The following ANKS1B variants were observed in gnomAD, a reference collection of about 807,000 sequenced individuals.
ANKS1B encodes ankyrin repeat and sterile alpha motif domain-containing protein 1B.
Under a neutral mutation model 148.3 loss-of-function variants are expected in ANKS1B, and 36 were observed. The observed-to-expected ratio is 0.24, with a 90% CI of 0.19 to 0.32. The LOEUF (loss-of-function observed/expected upper bound fraction) is 0.32, where lower values mean the gene tolerates loss of function less well. Among genes scored for constraint, ANKS1B ranks in the 10% least tolerant of loss-of-function variants. ANKS1B has a pLI of 1.00. For missense variants in ANKS1B, 1,157 were observed against 1,542.6 expected (o/e 0.75, Z 4.19); for synonymous variants, 542 against 560.8 (o/e 0.97, Z 0.47).
chr12:99,604,267 C>T (rs2097831581), intron 9 of ANKS1B, among the ~76,000 whole-genome samples: 1 of 152,008 alleles, frequency 6.6e-6, no homozygotes, highest in South Asian at 2.1e-4. Context: ...TTTAAACACT[C>T]ATATGAATAA....
intron 8 of ANKS1B, among the ~76,000 whole-genome samples, chr12:99,680,752 C>T (rs547953589): frequency 5.3e-5 from 8 of 152,234 alleles, no homozygotes; most frequent in South Asian, 2.1e-4. Context: ...TAGCCTGGTA[C>T]AAGATCTCAG....
At chr12:99,819,973 G>T (rs1033133316) in intron 2 of ANKS1B, among the ~76,000 whole-genome samples, 3 of 151,524 alleles carry the variant, frequency 2.0e-5, no homozygotes, top group African/African-American at 4.8e-5. Context: ...TTTCAGAGGA[G>T]AATTAAGGGA....
At chr12:99,121,686 G>A (rs537006613) in intron 15 of ANKS1B, among the ~76,000 whole-genome samples, 2 of 152,270 alleles carry the variant, frequency 1.3e-5, no homozygotes, top group African/African-American at 4.8e-5. Flanking sequence ...CCATAGCCAC[G>A]GGATGAACAG....
chr12:99,471,403 C>CA, intron 10 of ANKS1B, among the ~76,000 whole-genome samples: 1 of 152,094 alleles, frequency 6.6e-6, no homozygotes, highest in South Asian at 2.1e-4. Flanking sequence ...TTAGATGTCA[C>CA]AAAAGGCCTC....
intron 12 of ANKS1B, among the ~76,000 whole-genome samples, chr12:99,269,647 G>T (rs1000948008): frequency 6.6e-6 from 1 of 152,012 alleles, no homozygotes; most frequent in African/African-American, 2.4e-5. Context: ...CAAGCTCCGC[G>T]TCCCGGGTTC....
chr12:99,201,809 A>G (rs530913413), intron 14 of ANKS1B, among the ~76,000 whole-genome samples: 1 of 152,314 alleles, frequency 6.6e-6, no homozygotes, highest in Admixed American at 6.5e-5. Flanking sequence ...TTATGCTGAA[A>G]ATTTTACTGG....
At chr12:98,912,145 A>T (rs2099787690) in intron 17 of ANKS1B, among the ~76,000 whole-genome samples, 1 of 152,224 alleles carries the variant, frequency 6.6e-6, no homozygotes, top group Admixed American at 6.5e-5. Flanking sequence ...GTACTGTTAT[A>T]GTCTCTACTT....
At chr12:99,427,515 C>T (rs2095281768) in intron 11 of ANKS1B, among the ~76,000 whole-genome samples, 1 of 152,194 alleles carries the variant, frequency 6.6e-6, no homozygotes, top group Non-Finnish European at 1.5e-5. Context: ...TTCTCTGATT[C>T]CAAGTAGTGA....
At chr12:99,270,410 CCTAT>C (rs1431586545) in intron 12 of ANKS1B, among the ~76,000 whole-genome samples, 3 of 152,116 alleles carry the variant, frequency 2.0e-5, no homozygotes, top group Non-Finnish European at 4.4e-5. Context: ...TCCAGTCATT[CCTAT>C]CTAATGTATC....
At chr12:99,655,373 G>A (rs1480582435) in intron 8 of ANKS1B, among the ~76,000 whole-genome samples, 163 bp from the exon 9 acceptor site, 1 of 152,000 alleles carries the variant, frequency 6.6e-6, no homozygotes, top group Non-Finnish European at 1.5e-5. Flanking sequence ...ATAAAAATAT[G>A]TATAGTCCAA....
chr12:99,225,631 T>G (rs917734367), intron 14 of ANKS1B, among the ~76,000 whole-genome samples: 9 of 152,186 alleles, frequency 5.9e-5, no homozygotes, highest in Non-Finnish European at 1.3e-4. Context: ...TGGGCAGACT[T>G]GCTGAGTCTT....
chr12:99,271,129 T>C (rs2076995089), intron 12 of ANKS1B, among the ~76,000 whole-genome samples: 1 of 152,220 alleles, frequency 6.6e-6, no homozygotes, highest in Non-Finnish European at 1.5e-5. Context: ...GCTTTATATC[T>C]TGGCAAATTC....
intron 1 of ANKS1B, among the ~76,000 whole-genome samples, chr12:99,944,379 TC>T (rs949241338): frequency 1.3e-5 from 2 of 152,180 alleles, no homozygotes; most frequent in African/African-American, 4.8e-5. Context: ...CTGGAAGGCC[TC>T]CTTCCCAGTG....
chr12:98,933,682 C>T (rs2099815832), intron 17 of ANKS1B, among the ~76,000 whole-genome samples: 1 of 151,924 alleles, frequency 6.6e-6, no homozygotes, highest in African/African-American at 2.4e-5. Flanking sequence ...AAAAATAATA[C>T]TCATCCAGAC....
At chr12:99,468,657 C>A (rs377529576) in intron 10 of ANKS1B, among the ~76,000 whole-genome samples, 2 of 152,086 alleles carry the variant, frequency 1.3e-5, no homozygotes, top group African/African-American at 4.8e-5. Context: ...CTCAAAAGAA[C>A]ACATTTATGC....
chr12:99,039,483 G>A (rs1672157188), intron 17 of ANKS1B, among the ~76,000 whole-genome samples: 1 of 152,216 alleles, frequency 6.6e-6, no homozygotes, highest in African/African-American at 2.4e-5. Context: ...GGAGTTTGGT[G>A]TCTGGTGGAG....
intron 17 of ANKS1B, among the ~76,000 whole-genome samples, chr12:98,973,693 T>C (rs1024567997): frequency 3.3e-5 from 5 of 152,170 alleles, no homozygotes; most frequent in African/African-American, 1.2e-4. Context: ...GGTATTACCG[T>C]GCTTGTGTCT....
At chr12:99,738,961 T>C (rs766641798) in intron 8 of ANKS1B, among the ~76,000 whole-genome samples, 6 of 152,136 alleles carry the variant, frequency 3.9e-5, no homozygotes, top group Non-Finnish European at 7.3e-5. Flanking sequence ...TAAGGGCATA[T>C]ACTAATACTA....
chr12:98,799,878 C>T (rs1323283738), intron 21 of ANKS1B, among the ~76,000 whole-genome samples: 2 of 151,412 alleles, frequency 1.3e-5, no homozygotes, highest in Admixed American at 6.6e-5. Context: ...CCAAAGAGCT[C>T]TATATATGTT....
Sources: allele counts gnomAD v4.1 joint callset (sites outside exome capture counted in the v4.1 genomes callset), GRCh38; gene constraint gnomAD v4.1.1; transcripts MANE v1.5; gene names NCBI Gene and HGNC (gene_info 2026-07-23, HGNC 2026-07-21).